PIEZO2: variants seen among roughly 807,000 people sequenced by gnomAD.
PIEZO2 encodes the protein piezo type mechanosensitive ion channel component 2.
Under a neutral mutation model 337.3 loss-of-function variants are expected in PIEZO2, and 172 were observed. That is an observed-to-expected ratio of 0.51 (90% CI 0.45 to 0.58). The LOEUF is 0.58. Ranked by LOEUF, PIEZO2 falls within the 20% of genes least tolerant of loss-of-function variation. The pLI, the probability that PIEZO2 is intolerant of heterozygous loss-of-function variation, is 0.00. For missense variants in PIEZO2, 3,028 were observed against 3,391.3 expected (o/e 0.89, Z 2.66); for synonymous variants, 1,251 against 1,228.5 (o/e 1.02, Z -0.38).
At chr18:10,958,990 C>T (rs1340188625) in intron 3 of PIEZO2, among the ~76,000 whole-genome samples, 1 of 152,016 alleles carries the variant, frequency 6.6e-6, no homozygotes, top group Non-Finnish European at 1.5e-5. Context: ...ATAAATAATT[C>T]CAAGAGTAAA....
intron 27 of PIEZO2, among the ~76,000 whole-genome samples, chr18:10,756,904 G>T (rs969178585): frequency 4.0e-5 from 6 of 150,994 alleles, no homozygotes; most frequent in African/African-American, 1.5e-4. Flanking sequence ...TAAAAAGGAG[G>T]AATGGGGATA....
intron 14 of PIEZO2, among the ~76,000 whole-genome samples, chr18:10,790,878 G>T (rs1221427599): frequency 1.1e-4 from 17 of 151,980 alleles, no homozygotes; most frequent in Non-Finnish European, 2.1e-4. Flanking sequence ...CTAGTTTTTT[G>T]TATTTTTAGT....
Position 10,855,029 on chromosome 18 carries a change from C to T in PIEZO2, c.917+324G>A, listed in dbSNP as rs956335167. ...TTTCTAGCTGGATGCTGTGGCACATCCTTATTGTTCTTCGGTGTAAAATGT... is the reference window on the plus strand; with the variant it reads ...TTTCTAGCTGGATGCTGTGGCACATTCTTATTGTTCTTCGGTGTAAAATGT... On this transcript the variant is annotated intron_variant, in intron 7 of 55. Coordinates refer to ENST00000674853, the MANE Select transcript of PIEZO2 (RefSeq NM_001378183.1). This position sits in a 1 kb window ranked among gnomAD's most constrained non-coding sequence, Gnocchi z 4.9. 6.6e-6 allele frequency among the ~76,000 whole-genome samples: 1 copy of T among 152,142 alleles called. No individual in the cohort carries two copies. Among genetic ancestry groups the T allele is most frequent in the Non-Finnish European group, 1.5e-5 (1 of 68,038 alleles).
At chr18:10,758,671 C>T (rs1568025001) in intron 26 of PIEZO2, among the ~76,000 whole-genome samples, 1 of 152,176 alleles carries the variant, frequency 6.6e-6, no homozygotes, top group Non-Finnish European at 1.5e-5. Flanking sequence ...CCATCTTTAT[C>T]TTTTTATGTG....
intron 42 of PIEZO2, among the ~76,000 whole-genome samples, chr18:10,703,592 C>T (rs9789105): frequency 6.6e-6 from 1 of 152,264 alleles, no homozygotes; most frequent in East Asian, 1.9e-4. Flanking sequence ...GACAACTTTT[C>T]CTTACAAGTC....
In PIEZO2 at chr18:10,871,298, TG is replaced by T. The variant is rs2042133423; in HGVS notation, c.446del (p.Thr149LysfsTer28). 6.5e-7 allele frequency: 1 copy of T among 1,537,146 alleles called. No homozygotes were observed. The highest frequency in any genetic ancestry group is 8.7e-7 in the Non-Finnish European group (1 of 1,146,878). ...LCRNIVQKPV[T>X]DEAAQSNPEF... ...CCGGGTTACTCTGTGCTGCTTCGTC[TG>T]TCACAGGTTTCTGAACAATGTTTCT... On this transcript the variant is annotated frameshift_variant, in exon 5 of 56. Transcript: ENST00000674853. LOFTEE classifies it high-confidence loss of function.
At chr18:10,804,029 G>A (rs947529499) in intron 8 of PIEZO2, 35 bp from the exon 9 acceptor site, 1 of 1,535,722 alleles carries the variant, frequency 6.5e-7, no homozygotes, top group South Asian at 1.2e-5. Context: ...CTTGCTTCCT[G>A]AGGCAGTTCC....
At chr18:11,066,625 A>G (rs943917330) in intron 1 of PIEZO2, among the ~76,000 whole-genome samples, 27 of 152,160 alleles carry the variant, frequency 1.8e-4, no homozygotes, top group Non-Finnish European at 2.6e-4. Flanking sequence ...TTTGTGACTG[A>G]GTTTTGCCCT....
chr18:10,710,076 G>A (rs1186315917), intron 39 of PIEZO2, among the ~76,000 whole-genome samples: 6 of 152,210 alleles, frequency 3.9e-5, no homozygotes, highest in Non-Finnish European at 8.8e-5. Context: ...AGGGGACTTC[G>A]CATTTCTGTA....
Position 11,002,521 on chromosome 18 carries a change from T to G in PIEZO2, c.161-22861A>C, listed in dbSNP as rs1323277639. Reference sequence around the variant, plus strand: ...AAACACCAGCACTCACTGTGTGCATTCACAGGGCTCAGCTCCCTGGAGAAG... The same window carrying G: ...AAACACCAGCACTCACTGTGTGCATGCACAGGGCTCAGCTCCCTGGAGAAG... On this transcript the variant is annotated intron_variant, in intron 2 of 55. Coordinates refer to ENST00000674853, the MANE Select transcript of PIEZO2 (RefSeq NM_001378183.1). This position sits in a 1 kb window ranked among gnomAD's most constrained non-coding sequence, Gnocchi z 4.3. Among the ~76,000 whole-genome samples, 1 of 152,230 alleles carries G rather than the reference T, an allele frequency of 6.6e-6. No homozygotes were observed. The highest frequency in any genetic ancestry group is 2.4e-5 in the African/African-American group (1 of 41,458).
chr18:11,113,099 G>T (rs559771992), intron 1 of PIEZO2, among the ~76,000 whole-genome samples: 48 of 152,186 alleles, frequency 3.2e-4, no homozygotes, highest in Non-Finnish European at 6.2e-4. Flanking sequence ...GTATAAAGGG[G>T]CAATGTTGAA....
At position 10,726,612 on chromosome 18, in the gene PIEZO2, CGCCGACGTGCGCTG is replaced by C. The variant is rs1192174621; in HGVS notation, c.5029+4781_5029+4794del. 1.6e-5 allele frequency: 11 copies of C among 705,484 alleles called. No individual in the cohort carries two copies. The highest frequency in any genetic ancestry group is 1.8e-5 in the Non-Finnish European group (10 of 564,730). 43.7% of individuals were successfully genotyped at this position (705,484 alleles called of 1,614,324 possible). A position where few individuals can be genotyped will look rare whatever the true frequency, so the allele number is the denominator to read the frequency against. ...AGGACCTGGCGCGCTACGTGCGGGA[CGCCGACGTGCGCTG>C]GGAGTACTGCGCGCGCGCCAAGCGC... On this transcript the variant is annotated intron_variant, in intron 36 of 55. Coordinates refer to ENST00000674853, the MANE Select transcript of PIEZO2 (RefSeq NM_001378183.1). This position sits in a 1 kb window ranked among gnomAD's most constrained non-coding sequence, Gnocchi z 5.9.
intron 5 of PIEZO2, among the ~76,000 whole-genome samples, chr18:10,866,891 A>C (rs1415790263): frequency 6.6e-6 from 1 of 152,182 alleles, no homozygotes; most frequent in Non-Finnish European, 1.5e-5. Flanking sequence ...CAAATTGTGA[A>C]AGTGTTTTCC....
intron 2 of PIEZO2, among the ~76,000 whole-genome samples, chr18:10,998,655 T>C (rs1429494687): frequency 3.3e-5 from 5 of 152,058 alleles, no homozygotes; most frequent in Non-Finnish European, 7.4e-5. Flanking sequence ...GCAAAATAAG[T>C]AATCTATGGC....
intron 36 of PIEZO2, among the ~76,000 whole-genome samples, chr18:10,722,760 G>T (rs1466056672): frequency 6.6e-6 from 1 of 152,144 alleles, no homozygotes; most frequent in African/African-American, 2.4e-5. Flanking sequence ...CTGAGCTAAC[G>T]TATTTAAAAC....
chr18:11,075,548 T>TC (rs1273988257), intron 1 of PIEZO2, among the ~76,000 whole-genome samples: 1 of 152,122 alleles, frequency 6.6e-6, no homozygotes, highest in Non-Finnish European at 1.5e-5. Context: ...TCTCTTCCTC[T>TC]CCCCCTCTAG....
chr18:11,127,358 G>A lies in PIEZO2; in HGVS notation c.64+21167C>T, dbSNP rs1258842037. Among the ~76,000 whole-genome samples the A allele has an allele frequency of 1.3e-5, 2 of 152,198 alleles. No individual in the cohort carries two copies. The highest frequency in any genetic ancestry group is 2.4e-5 in the African/African-American group (1 of 41,472). ...ACTTGATTGGATTGAAGGATACGAT[G>A]TATTGATCCTGGGTGTGTCTGGGAG... On this transcript the variant is annotated intron_variant, in intron 1 of 55. Coordinates refer to ENST00000674853, the MANE Select transcript of PIEZO2 (RefSeq NM_001378183.1). The surrounding 1 kb of genome is among the most constrained non-coding windows in gnomAD (Gnocchi z 4.5).
intron 47 of PIEZO2, among the ~76,000 whole-genome samples, chr18:10,693,356 T>TTGTGTGTGTGTGTGTGTGTGTG (rs1174582024): frequency 0.01 from 923 of 89,992 alleles, 25 homozygotes; most frequent in Admixed American, 0.067. Context: ...AATCTGGATT[T>TTGTGTGTGTGTGTGTGTGTGTG]TGTGTGTGTG....
rs947364975 is a variant in PIEZO2, at chr18:11,003,787, C to G, written c.161-24127G>C. Among the ~76,000 whole-genome samples the G allele has an allele frequency of 2.0e-5, 3 of 152,148 alleles. No individual in the cohort carries two copies. Among genetic ancestry groups the G allele is most frequent in the Admixed American group, 6.5e-5 (1 of 15,276 alleles). ...GTACCTAGAAAAATCCCACACAGAC[C>G]TGGGGAGAACAAGCAAACTCCACAT... On this transcript the variant is annotated intron_variant, in intron 2 of 55. Transcript: ENST00000674853. The surrounding 1 kb of genome is among the most constrained non-coding windows in gnomAD (Gnocchi z 4.6).
Sources: gnomAD v4.1 joint callset for allele counts (sites outside exome capture counted in the v4.1 genomes callset) on GRCh38, gnomAD v4.1.1 for gene constraint, Gnocchi (gnomAD v3.1) non-coding constraint, MANE v1.5 for transcripts, NCBI Gene and HGNC (gene_info 2026-07-23, HGNC 2026-07-21) for gene names.